The following PLXDC2 variants were observed in gnomAD, a reference collection of about 807,000 sequenced individuals.
PLXDC2 encodes the protein plexin domain containing 2.
Under a neutral mutation model 68.9 loss-of-function variants are expected in PLXDC2, and 40 were observed. The observed-to-expected ratio is 0.58, with a 90% CI of 0.45 to 0.76. The LOEUF (loss-of-function observed/expected upper bound fraction) is 0.76, where lower values mean the gene tolerates loss of function less well. PLXDC2 is among the 30% of genes least tolerant of loss of function. PLXDC2 has a pLI of 0.00. For missense variants in PLXDC2, 644 were observed against 661.9 expected, an observed-to-expected ratio of 0.97 and a Z score of 0.30; for synonymous variants, 243 against 234.2, an observed-to-expected ratio of 1.04 and a Z score of -0.34.
At chr10:20,171,904 G>A (rs1360189870) in intron 7 of PLXDC2, among the ~76,000 whole-genome samples, 2 of 152,098 alleles carry the variant, frequency 1.3e-5, no homozygotes, top group Non-Finnish European at 2.9e-5. Flanking sequence ...GAGCCCGCCA[G>A]TTCCAGACCA....
Position 19,817,188 on chromosome 10 carries a change from C to T in PLXDC2, c.109C>T (p.Leu37Phe), listed in dbSNP as rs867830777. 1 of 1,563,992 alleles carries T rather than the reference C, an allele frequency of 6.4e-7. No individual in the cohort carries two copies. Among genetic ancestry groups the T allele is most frequent in the Non-Finnish European group, 8.7e-7 (1 of 1,151,660 alleles). Residue 37 changes from leucine to phenylalanine, a missense_variant, in exon 1 of 14, where the codon CTT becomes TTT. Physicochemically the swap from Leu to Phe is conservative, Grantham distance 22. Coordinates refer to ENST00000377252, the MANE Select transcript of PLXDC2 (RefSeq NM_032812.9). ...CGATGGGAAACCCGGAGACCAAATC[C>T]TTGGTAAGTAAGATGCACTTTAGCT... ...FADGKPGDQI[L>F]DWQYGVTQAF...
chr10:19,831,616 C>A (rs1168759441), intron 1 of PLXDC2, among the ~76,000 whole-genome samples: 1 of 152,132 alleles, frequency 6.6e-6, no homozygotes, highest in Admixed American at 6.6e-5. Context: ...ACCCCAGTGT[C>A]TGTTGTTCTC....
At position 19,988,776 on chromosome 10, in the gene PLXDC2, C is replaced by CTTTTTTTTTT. The variant is rs552950916; in HGVS notation, c.113-12971_113-12962dup. Among the ~76,000 whole-genome samples the CTTTTTTTTTT allele has an allele frequency of 1.5e-4, 7 of 45,458 alleles. 2 individuals are homozygous for CTTTTTTTTTT. The highest frequency in any genetic ancestry group is 1.5e-3 in the East Asian group (2 of 1,300). The allele number at this position is 45,458 out of a possible 152,430, so 29.8% of individuals were successfully genotyped here. On this transcript the variant is annotated intron_variant, in intron 1 of 13. Coordinates refer to ENST00000377252, the MANE Select transcript of PLXDC2 (RefSeq NM_032812.9). ...AGTTAGGGTTAAGTTAATAATGCCA[C>CTTTTTTTTTT]TTTTTTTTTTTTTTTTTTTTTTTTT...
intron 1 of PLXDC2, among the ~76,000 whole-genome samples, chr10:19,886,612 A>G (rs1269525656): frequency 6.6e-6 from 1 of 152,234 alleles, no homozygotes; most frequent in Non-Finnish European, 1.5e-5. Flanking sequence ...TTAGGAATTG[A>G]TGGGACATAT....
intron 2 of PLXDC2, among the ~76,000 whole-genome samples, chr10:20,044,243 T>TTCTTTCTTTCTTTC (rs1835751451): frequency 8.8e-6 from 1 of 114,284 alleles, no homozygotes. Flanking sequence ...CTTTCTTTCT[T>TTCTTTCTTTCTTTC]TCTTTCTTTC....
intron 9 of PLXDC2, among the ~76,000 whole-genome samples, chr10:20,187,210 A>G (rs1834697469): frequency 1.3e-5 from 2 of 151,846 alleles, no homozygotes; most frequent in Non-Finnish European, 2.9e-5. Context: ...AAAGCAATAA[A>G]GCCTGCTTAC....
At chr10:20,246,792 A>C (rs549906098) in intron 13 of PLXDC2, among the ~76,000 whole-genome samples, 1 of 152,378 alleles carries the variant, frequency 6.6e-6, no homozygotes, top group Non-Finnish European at 1.5e-5. Context: ...TGTATGACAC[A>C]TGGAAAGGTT....
chr10:20,177,233 A>T, intron 8 of PLXDC2, 95 bp from the exon 9 acceptor site: 1 of 1,330,288 alleles, frequency 7.5e-7, no homozygotes, highest in Non-Finnish European at 1.1e-6. Context: ...GCTCCTGAGG[A>T]TTAGGGGGCA....
intron 4 of PLXDC2, among the ~76,000 whole-genome samples, chr10:20,089,454 C>G (rs1385433705): frequency 6.6e-6 from 1 of 152,104 alleles, no homozygotes; most frequent in East Asian, 1.9e-4. Flanking sequence ...AGTGACTTGT[C>G]CCTAAGATTC....
chr10:19,932,265 CTCTATTTA>C, intron 1 of PLXDC2, among the ~76,000 whole-genome samples: 1 of 152,126 alleles, frequency 6.6e-6, no homozygotes, highest in African/African-American at 2.4e-5. Flanking sequence ...TTTTTCACTC[CTCTATTTA>C]TTTTTTTCTC....
rs185130301 is a variant in PLXDC2 at position 20,054,231 on chromosome 10, A to C, written c.471+7216A>C. ...ACTGAAGGAGGGTCAGGATGATTAG[A>C]TAGCAAGGGTGGGGGATGAAGGTTT... On this transcript the variant is annotated intron_variant, in intron 3 of 13. Transcript: ENST00000377252. Among the ~76,000 whole-genome samples the C allele has an allele frequency of 2.7e-3, 407 of 152,068 alleles. 4 individuals are homozygous for C. The highest frequency in any genetic ancestry group is 2.4e-3 in the Non-Finnish European group (164 of 67,980).
chr10:20,175,373 A>C lies in PLXDC2; in HGVS notation c.884-1626A>C, dbSNP rs114153527. Reference sequence around the variant, plus strand: ...AAAACTGTGGTTTGAGCCCAGACAGAATGTTCCAGAGCACATTATTAACCA... The same window carrying C: ...AAAACTGTGGTTTGAGCCCAGACAGCATGTTCCAGAGCACATTATTAACCA... On this transcript the variant is annotated intron_variant, in intron 7 of 13. Transcript: ENST00000377252. Among the ~76,000 whole-genome samples the C allele has an allele frequency of 7.9e-3, 1,199 of 152,280 alleles. 17 individuals are homozygous for C. Among genetic ancestry groups the C allele is most frequent in the African/African-American group, 0.028 (1,152 of 41,560 alleles).
In PLXDC2 at chr10:20,236,835, A is replaced by G. The variant is rs542466107; in HGVS notation, c.1313-8510A>G. Among the ~76,000 whole-genome samples the G allele has an allele frequency of 1.2e-4, 18 of 152,290 alleles. No homozygotes were observed. In the South Asian group the frequency reaches 3.7e-3, roughly 32 times the overall value. The stretch of plus-strand genomic sequence containing the variant: ...AAGATATCTGCACATACACATGCCT[A>G]AAAGCACCGATCATTGAATGAGACT... On this transcript the variant is annotated intron_variant, in intron 12 of 13. Transcript: ENST00000377252.
At chr10:20,240,293 C>G (rs1241420707) in intron 12 of PLXDC2, among the ~76,000 whole-genome samples, 2 of 152,160 alleles carry the variant, frequency 1.3e-5, no homozygotes, top group African/African-American at 4.8e-5. Context: ...GCATAGAATT[C>G]TATGGTGTAT....
chr10:20,138,441 C>T (rs1833960828), intron 4 of PLXDC2, among the ~76,000 whole-genome samples: 1 of 152,154 alleles, frequency 6.6e-6, no homozygotes, highest in Non-Finnish European at 1.5e-5. Context: ...AGGCTGGACA[C>T]ATAATGACTG....
chr10:19,940,255 G>A (rs959829419), intron 1 of PLXDC2, among the ~76,000 whole-genome samples: 3 of 151,942 alleles, frequency 2.0e-5, no homozygotes, highest in Non-Finnish European at 4.4e-5. Flanking sequence ...TGATTTGTAC[G>A]AAGATGCCTA....
At chr10:20,274,912 A>T (rs1004798694) in intron 13 of PLXDC2, among the ~76,000 whole-genome samples, 2 of 152,034 alleles carry the variant, frequency 1.3e-5, no homozygotes, top group Admixed American at 1.3e-4. Context: ...CCAATTAAAT[A>T]TATATGTTTA....
In PLXDC2 at chr10:19,823,736, C is replaced by A. The variant is rs950938602; in HGVS notation, c.112+6545C>A. On this transcript the variant is annotated intron_variant, in intron 1 of 13. Transcript: ENST00000377252. ...GTTCAGTGGCTCACACCTGTAATCC[C>A]AACACTTTGGGAGGCCGAGACAGGG... Among the ~76,000 whole-genome samples the A allele has an allele frequency of 3.3e-5, 5 of 152,110 alleles. No homozygotes were observed. The East Asian group carries it at 9.6e-4, about 29-fold the overall frequency.
At chr10:20,129,142 C>G (rs1182155008) in intron 4 of PLXDC2, among the ~76,000 whole-genome samples, 2 of 151,782 alleles carry the variant, frequency 1.3e-5, no homozygotes, top group African/African-American at 4.8e-5. Flanking sequence ...CTTGTCAACA[C>G]TTGTTATCTT....
Sources: gnomAD v4.1 joint callset for allele counts (sites outside exome capture counted in the v4.1 genomes callset) on GRCh38, gnomAD v4.1.1 for gene constraint, MANE v1.5 for transcripts, NCBI Gene and HGNC (gene_info 2026-07-23, HGNC 2026-07-21) for gene names.